Variants in GPC5 observed in about 807,000 individuals in gnomAD.
GPC5 encodes glypican-5.
Under a neutral mutation model 53.9 loss-of-function variants are expected in GPC5, and 47 were observed. The observed-to-expected ratio is 0.87, with a 90% CI of 0.69 to 1.11. The LOEUF (loss-of-function observed/expected upper bound fraction) is 1.11, where lower values mean the gene tolerates loss of function less well. Among genes scored for constraint, GPC5 ranks in the 50% most tolerant of loss-of-function variants. GPC5 has a pLI of 0.00. For synonymous variants in GPC5, 286 were observed against 263.3 expected, an observed-to-expected ratio of 1.09 and a Z score of -0.84; for missense variants, 748 against 713.1, an observed-to-expected ratio of 1.05 and a Z score of -0.56.
At chr13:91,680,770 A>G (rs1441152702) in intron 2 of GPC5, among the ~76,000 whole-genome samples, 1 of 152,220 alleles carries the variant, frequency 6.6e-6, no homozygotes, top group African/African-American at 2.4e-5. Flanking sequence ...GACCTAAACA[A>G]GATGCTGTTC....
intron 7 of GPC5, among the ~76,000 whole-genome samples, chr13:92,728,693 G>A (rs1888715596): frequency 6.6e-6 from 1 of 151,340 alleles, no homozygotes; most frequent in East Asian, 1.9e-4. Flanking sequence ...AAATAACTGG[G>A]TAACATAATT....
intron 7 of GPC5, among the ~76,000 whole-genome samples, chr13:92,781,236 A>G (rs1208454478): frequency 6.6e-6 from 1 of 152,130 alleles, no homozygotes; most frequent in East Asian, 1.9e-4. Flanking sequence ...TGCCTTTAAT[A>G]AAAAACTGAA....
intron 5 of GPC5, among the ~76,000 whole-genome samples, chr13:91,841,430 G>A (rs371815328): frequency 2.0e-5 from 3 of 150,754 alleles, no homozygotes; most frequent in Non-Finnish European, 4.4e-5. Context: ...AAATTGAATC[G>A]TTACGTTTAA....
At chr13:92,834,145 G>T (rs1410231527) in intron 7 of GPC5, among the ~76,000 whole-genome samples, 1 of 151,984 alleles carries the variant, frequency 6.6e-6, no homozygotes, top group Non-Finnish European at 1.5e-5. Context: ...TTGGAGAGGA[G>T]GAATAGGAAG....
rs1240794198 is a variant in GPC5 at position 92,031,976 on chromosome 13, C to T, written c.1402-112854C>T. On this transcript the variant is annotated intron_variant, in intron 6 of 7. Coordinates refer to ENST00000377067, the MANE Select transcript of GPC5 (RefSeq NM_004466.6). ...TCAGATATATTATATAATATATATT[C>T]ATTACATATATTATATACAAATAAT... is the stretch of plus-strand genomic sequence containing the variant. Among the ~76,000 whole-genome samples, 4 of 116,188 alleles carry T rather than the reference C, an allele frequency of 3.4e-5. No homozygotes were observed. The East Asian group carries it at 7.1e-4, about 21-fold the overall frequency. The allele number at this position is 116,188 out of a possible 152,430, so 76.2% of individuals were successfully genotyped here.
At chr13:92,732,872 G>A (rs1372371833) in intron 7 of GPC5, among the ~76,000 whole-genome samples, 1 of 151,524 alleles carries the variant, frequency 6.6e-6, no homozygotes, top group African/African-American at 2.4e-5. Flanking sequence ...TTCCTGATGT[G>A]ATCATTTCAT....
At chr13:92,249,818 A>G (rs916909707) in intron 7 of GPC5, among the ~76,000 whole-genome samples, 2 of 152,126 alleles carry the variant, frequency 1.3e-5, no homozygotes, top group Non-Finnish European at 1.5e-5. Context: ...TCTAGGAACT[A>G]GAGAAATTAA....
intron 7 of GPC5, among the ~76,000 whole-genome samples, chr13:92,549,774 A>T (rs988366124): frequency 4.6e-5 from 7 of 151,772 alleles, no homozygotes; most frequent in Non-Finnish European, 8.8e-5. Context: ...CCTTTTTCTC[A>T]TTTGACTTTC....
chr13:91,589,899 T>C (rs1196477897), intron 2 of GPC5, among the ~76,000 whole-genome samples: 4 of 152,162 alleles, frequency 2.6e-5, no homozygotes, highest in Non-Finnish European at 5.9e-5. Context: ...TATGGGTATC[T>C]TCTATGGAGA....
intron 5 of GPC5, among the ~76,000 whole-genome samples, chr13:91,776,999 T>C (rs1410305413): frequency 6.6e-6 from 1 of 152,206 alleles, no homozygotes; most frequent in Non-Finnish European, 1.5e-5. Flanking sequence ...CCAATAAAAA[T>C]GCTTTTAAAG....
intron 6 of GPC5, among the ~76,000 whole-genome samples, chr13:92,141,121 G>A (rs1039080544): frequency 4.6e-5 from 7 of 152,142 alleles, no homozygotes; most frequent in Non-Finnish European, 8.8e-5. Context: ...ATCTTATTGT[G>A]AAAAGCCCAT....
intron 7 of GPC5, among the ~76,000 whole-genome samples, chr13:92,596,031 G>A (rs548157798): frequency 3.3e-5 from 5 of 152,026 alleles, no homozygotes; most frequent in Non-Finnish European, 5.9e-5. Flanking sequence ...TTTCATACTT[G>A]TTTCTAAGTG....
At chr13:91,815,128 G>A (rs1283784722) in intron 5 of GPC5, among the ~76,000 whole-genome samples, 7 of 152,146 alleles carry the variant, frequency 4.6e-5, no homozygotes, top group African/African-American at 1.7e-4. Flanking sequence ...CACTTTGGGA[G>A]GACAAAGCAG....
intron 7 of GPC5, among the ~76,000 whole-genome samples, chr13:92,432,683 G>GTT (rs149512434): frequency 6.6e-6 from 1 of 150,640 alleles, no homozygotes; most frequent in African/African-American, 2.4e-5. Context: ...CCATAAACTA[G>GTT]TTTTTTTTTA....
intron 7 of GPC5, among the ~76,000 whole-genome samples, chr13:92,335,068 G>T (rs1208669382): frequency 5.3e-5 from 8 of 152,090 alleles, no homozygotes; most frequent in Non-Finnish European, 1.2e-4. Flanking sequence ...AGGACTCTGT[G>T]GGTTGGGGGG....
chr13:92,044,862 T>A (rs759701249), intron 6 of GPC5, among the ~76,000 whole-genome samples: 5 of 152,128 alleles, frequency 3.3e-5, no homozygotes, highest in Admixed American at 6.5e-5. Context: ...TGGCAAAAAA[T>A]TAAAACCCTG....
intron 7 of GPC5, among the ~76,000 whole-genome samples, chr13:92,158,150 C>T (rs1458809138): frequency 6.6e-6 from 1 of 152,050 alleles, no homozygotes; most frequent in East Asian, 1.9e-4. Context: ...AAGCATTTAC[C>T]AAAGTACAGA....
intron 5 of GPC5, among the ~76,000 whole-genome samples, chr13:91,814,562 C>CA (rs2038370485): frequency 6.8e-6 from 1 of 148,058 alleles, no homozygotes; most frequent in African/African-American, 2.5e-5. Context: ...TATTTTGAGA[C>CA]AGAGTTTCAC....
In GPC5 at chr13:91,973,018, T is replaced by A. The variant is rs538467678; in HGVS notation, c.1401+64961T>A. On this transcript the variant is annotated intron_variant, in intron 6 of 7. Transcript: ENST00000377067. ...CCTGAATCTGAATGTTGGCCTGCCT[T>A]GCTAGATTGGGGGAGTTCTCCTGGA... Among the ~76,000 whole-genome samples, 469 of 152,310 alleles carry A rather than the reference T, an allele frequency of 3.1e-3. 3 individuals are homozygous for A. Among genetic ancestry groups the A allele is most frequent in the African/African-American group, 0.011 (450 of 41,558 alleles).
Sources: gnomAD v4.1 joint callset for allele counts (sites outside exome capture counted in the v4.1 genomes callset) on GRCh38, gnomAD v4.1.1 for gene constraint, MANE v1.5 for transcripts, NCBI Gene and HGNC (gene_info 2026-07-23, HGNC 2026-07-21) for gene names.